Variants in RSPH9 observed in about 807,000 individuals in gnomAD.
RSPH9 encodes the protein radial spoke head protein 9 homolog.
In RSPH9, 27 loss-of-function variants were observed where a neutral mutation model predicts 27.0. The ratio of observed to expected loss-of-function variants is 1.00; its 90% CI spans 0.74 to 1.38. The LOEUF (loss-of-function observed/expected upper bound fraction) is 1.38. Among genes scored for constraint, RSPH9 ranks in the 40% most tolerant of loss-of-function variants. The pLI is 0.00. For synonymous variants in RSPH9, 145 were observed against 147.7 expected (o/e 0.98, Z 0.13); for missense variants, 347 against 357.4 (o/e 0.97, Z 0.24).
intron 3 of RSPH9, 115 bp from the exon 4 acceptor site, chr6:43,656,462 G>C: frequency 8.5e-7 from 1 of 1,178,940 alleles, no homozygotes; most frequent in Non-Finnish European, 1.3e-6. Flanking sequence ...TTAGCTCTCT[G>C]ACAGTGGTTG....
intron 4 of RSPH9, 40 bp from the exon 5 acceptor site, chr6:43,670,749 C>T (rs749410104): frequency 6.3e-7 from 1 of 1,592,536 alleles, no homozygotes; most frequent in Non-Finnish European, 8.6e-7. Flanking sequence ...GCTGTGGCTC[C>T]AGCAGCACCA....
chr6:43,664,958 T>C (rs1396826306), intron 4 of RSPH9, among the ~76,000 whole-genome samples: 1 of 152,206 alleles, frequency 6.6e-6, no homozygotes, highest in African/African-American at 2.4e-5. Flanking sequence ...GTCCTCTTCA[T>C]TCCCCTAATC....
intron 2 of RSPH9, among the ~76,000 whole-genome samples, chr6:43,651,123 G>A (rs567064537): frequency 6.6e-5 from 10 of 152,174 alleles, no homozygotes; most frequent in South Asian, 2.1e-4. Flanking sequence ...TTTGTGACAC[G>A]TTGGTTATTG....
intron 4 of RSPH9, among the ~76,000 whole-genome samples, chr6:43,669,510 G>A (rs992364078): frequency 1.3e-5 from 2 of 152,232 alleles, no homozygotes; most frequent in Non-Finnish European, 2.9e-5. Flanking sequence ...ACCATGGTTG[G>A]AGGTGGCCCG....
At chr6:43,669,829 C>T (rs577013063) in intron 4 of RSPH9, among the ~76,000 whole-genome samples, 120 of 152,338 alleles carry the variant, frequency 7.9e-4, no homozygotes, top group African/African-American at 2.7e-3. Context: ...CTGCACGACT[C>T]AGCCCTGAGC....
At position 43,670,930 on chromosome 6, in the gene RSPH9, A is replaced by G. The variant is rs756137595; in HGVS notation, c.812A>G (p.Asp271Gly). The G allele has an allele frequency of 1.2e-6, 2 of 1,614,174 alleles. No homozygotes were observed. The highest frequency in any genetic ancestry group is 2.7e-5 in the African/African-American group (2 of 75,064). ...GTGGGCACTGGCGAGAAGAACATGGACTTGCCCTTCATGCTATAGAATGGG... is the reference window on the plus strand; with the variant it reads ...GTGGGCACTGGCGAGAAGAACATGGGCTTGCCCTTCATGCTATAGAATGGG... Reference protein sequence around the residue: ...VYVGTGEKNMDLPFML With the variant: ...VYVGTGEKNMGLPFML The change falls in exon 5 of 5, where the codon GAC (aspartate) becomes GGC (glycine). Residue 271 changes from aspartate to glycine, a missense_variant. Physicochemically the swap from Asp to Gly is moderately conservative, Grantham distance 94. Coordinates refer to ENST00000372163, the MANE Select transcript of RSPH9 (RefSeq NM_152732.5).
intron 4 of RSPH9, chr6:43,666,341 G>C (rs1486525169): frequency 8.9e-7 from 1 of 1,129,464 alleles, no homozygotes; most frequent in Admixed American, 2.0e-5. Context: ...CCAAGGAAGA[G>C]TTCCCTGGGA....
In RSPH9 at chr6:43,672,399, T is replaced by C; in HGVS notation, c.*1450T>C. On this transcript the variant is annotated 3_prime_UTR_variant, in exon 5 of 5. Coordinates refer to ENST00000372163, the MANE Select transcript of RSPH9 (RefSeq NM_152732.5). ...CCCCTCACCCAACCTGTGATGGGAA[T>C]CAAGGGGTAAGGGCCCGTGGGCGCA... The C allele has an allele frequency of 2.1e-6, 1 of 471,540 alleles. No individual in the cohort carries two copies. Among genetic ancestry groups the C allele is most frequent in the Middle Eastern group, 3.3e-4 (1 of 3,074 alleles). The allele number at this position is 471,540 out of a possible 1,614,324, so 29.2% of individuals were successfully genotyped here. A position where few individuals can be genotyped will look rare whatever the true frequency, so the allele number is the denominator to read the frequency against.
chr6:43,652,457 G>A (rs112231004), intron 2 of RSPH9, among the ~76,000 whole-genome samples: 6 of 145,064 alleles, frequency 4.1e-5, no homozygotes, highest in South Asian at 2.2e-4. Flanking sequence ...ATGGAGTCTC[G>A]CTGTCACACC....
chr6:43,656,009 C>T (rs1465347241), intron 3 of RSPH9, among the ~76,000 whole-genome samples: 3 of 131,594 alleles, frequency 2.3e-5, no homozygotes, highest in South Asian at 5.2e-4. Flanking sequence ...TCCTTCCTTC[C>T]TTCCTTCCTT....
chr6:43,645,616 G>T (rs1241212600), intron 1 of RSPH9, among the ~76,000 whole-genome samples: 1 of 152,268 alleles, frequency 6.6e-6, no homozygotes, highest in Non-Finnish European at 1.5e-5. Context: ...GGCCTTGCGA[G>T]AGCTTGTTCT....
intron 1 of RSPH9, among the ~76,000 whole-genome samples, chr6:43,647,733 C>T (rs1287568191): frequency 6.6e-6 from 1 of 152,166 alleles, no homozygotes; most frequent in Non-Finnish European, 1.5e-5. Context: ...AAAAGTTGAA[C>T]TGAAGATAGA....
intron 2 of RSPH9, among the ~76,000 whole-genome samples, chr6:43,655,354 CT>C (rs1338693986): frequency 6.6e-6 from 1 of 152,132 alleles, no homozygotes; most frequent in Non-Finnish European, 1.5e-5. Context: ...TCATACCACC[CT>C]TATGTATTAC....
At chr6:43,657,288 G>C (rs1468587838) in intron 4 of RSPH9, among the ~76,000 whole-genome samples, 2 of 152,242 alleles carry the variant, frequency 1.3e-5, no homozygotes, top group Non-Finnish European at 2.9e-5. Context: ...CTGAGAATGA[G>C]AGGGATCTAA....
At chr6:43,656,456 C>T in intron 3 of RSPH9, 121 bp from the exon 4 acceptor site, 1 of 1,129,696 alleles carries the variant, frequency 8.9e-7, no homozygotes, top group Non-Finnish European at 1.3e-6. Flanking sequence ...CTTCCTTTAG[C>T]TCTCTGACAG....
At chr6:43,666,340 A>T in intron 4 of RSPH9, 1 of 1,101,322 alleles carries the variant, frequency 9.1e-7, no homozygotes, top group Non-Finnish European at 1.3e-6. Flanking sequence ...CCCAAGGAAG[A>T]GTTCCCTGGG....
chr6:43,655,771 A>AG, intron 3 of RSPH9, 80 bp downstream of exon 3: 1 of 1,517,774 alleles, frequency 6.6e-7, no homozygotes, highest in South Asian at 1.1e-5. Context: ...GGAGTCCAGC[A>AG]GGGGGGCTTA....
intron 3 of RSPH9, 144 bp downstream of exon 3, chr6:43,655,835 C>CAGGT: frequency 3.0e-6 from 3 of 998,460 alleles, no homozygotes; most frequent in Non-Finnish European, 3.0e-6. Context: ...GAGGGTGTGC[C>CAGGT]CAGTGACCTG....
At chr6:43,650,911 AAAAAAAAAGAAAAG>A (rs999316411) in intron 2 of RSPH9, among the ~76,000 whole-genome samples, 6 of 151,414 alleles carry the variant, frequency 4.0e-5, no homozygotes, top group African/African-American at 1.5e-4. Flanking sequence ...TCTATAAAAA[AAAAAAAAAGAAAAG>A]AAAAAAAAGA....
Sources: gnomAD v4.1 joint callset for allele counts (sites outside exome capture counted in the v4.1 genomes callset) on GRCh38, gnomAD v4.1.1 for gene constraint, MANE v1.5 for transcripts, NCBI Gene and HGNC (gene_info 2026-07-23, HGNC 2026-07-21) for gene names.